Variants in PODNL1 observed in about 807,000 individuals in gnomAD.
The protein encoded by PODNL1 is podocan like 1.
PODNL1 carries 50 observed loss-of-function variants against 45.1 expected under a neutral mutation model. The observed-to-expected ratio is 1.11, with a 90% CI of 0.88 to 1.40. The LOEUF is 1.40. Ranked by LOEUF, PODNL1 falls within the 40% of genes most tolerant of loss-of-function variation. The pLI, the probability that PODNL1 is intolerant of heterozygous loss-of-function variation, is 0.00. For missense variants in PODNL1, 788 were observed against 793.3 expected (o/e 0.99, Z 0.08); for synonymous variants, 406 against 372.5 (o/e 1.09, Z -1.04).
intron 1 of PODNL1, chr19:13,953,040 G>C: frequency 6.7e-7 from 1 of 1,485,878 alleles, no homozygotes; most frequent in African/African-American, 1.4e-5. Context: ...AGCCCCTGCC[G>C]CTGGCTTTGG....
upstream of PODNL1, chr19:13,938,589 G>A (rs989166623): frequency 8.1e-5 from 40 of 494,608 alleles, no homozygotes; most frequent in Admixed American, 1.1e-4. Context: ...GGGGAGCTTC[G>A]GGGCACAGGA....
chr19:13,931,551 C>A lies in PODNL1; in HGVS notation c.*186G>T. 1 of 560,086 alleles carries A rather than the reference C, an allele frequency of 1.8e-6. No homozygotes were observed. Among genetic ancestry groups the A allele is most frequent in the African/African-American group, 1.9e-5 (1 of 51,692 alleles). The allele number at this position is 560,086 out of a possible 1,614,324, so 34.7% of individuals were successfully genotyped here. A position where few individuals can be genotyped will look rare whatever the true frequency, so the allele number is the denominator to read the frequency against. On this transcript the variant is annotated 3_prime_UTR_variant, in exon 10 of 10. Transcript: ENST00000588872. Reference sequence around the variant, plus strand: ...GGTAGGGTGTGTCCCGCCAGGCCGGCGTGGTCTGTGAGCCTGGAGTATGCC... The same window carrying A: ...GGTAGGGTGTGTCCCGCCAGGCCGGAGTGGTCTGTGAGCCTGGAGTATGCC...
At chr19:13,951,761 G>A (rs1198277206) in intron 1 of PODNL1, among the ~76,000 whole-genome samples, 1 of 151,850 alleles carries the variant, frequency 6.6e-6, no homozygotes, top group Admixed American at 6.5e-5. Context: ...GACAAAGTGA[G>A]ACTCTGTCTA....
chr19:13,946,462 C>A (rs1972818327), intron 1 of PODNL1, among the ~76,000 whole-genome samples: 1 of 151,706 alleles, frequency 6.6e-6, no homozygotes, highest in African/African-American at 2.4e-5. Flanking sequence ...TCTATCACTA[C>A]TGCATAAAAG....
At chr19:13,935,583 T>C in intron 5 of PODNL1, 138 bp downstream of exon 5, 1 of 587,704 alleles carries the variant, frequency 1.7e-6, no homozygotes, top group Admixed American at 3.9e-5. Context: ...CACCTTGGCC[T>C]CCCAAAGTGC....
In PODNL1 at chr19:13,946,596, T is replaced by G. The variant is rs1972821532; in HGVS notation, c.18+6523A>C. Among the ~76,000 whole-genome samples the G allele has an allele frequency of 2.0e-5, 3 of 152,184 alleles. No homozygotes were observed. In the South Asian group the frequency reaches 6.2e-4, roughly 31 times the overall value. On this transcript the variant is annotated intron_variant, in intron 1 of 7. Transcript: ENST00000538371. Reference sequence around the variant, plus strand: ...GGTGTGGGAAATGAATCATAATTTCTAGTTCTATTTACCTGCCCCATCCTG... The same window carrying G: ...GGTGTGGGAAATGAATCATAATTTCGAGTTCTATTTACCTGCCCCATCCTG...
intron 1 of PODNL1, chr19:13,949,610 T>G (rs1972934664): frequency 6.6e-6 from 1 of 152,160 alleles, no homozygotes; most frequent in African/African-American, 2.4e-5. Flanking sequence ...GTGCCCAGCC[T>G]GAAATTAGAC....
Position 13,937,972 on chromosome 19 carries a change from C to G in PODNL1, c.38G>C (p.Gly13Ala). The G allele has an allele frequency of 6.5e-7, 1 of 1,541,016 alleles. No individual in the cohort carries two copies. The highest frequency in any genetic ancestry group is 1.2e-5 in the South Asian group (1 of 83,776). ...PSLLLLLLLP[G>A]PPPVAGLEDA... ...TTCCAAGCCGGCGACGGGCGGGGGC[C>G]CCGGCAACAGCAGGAGCAGCAGCAG... The change falls in exon 2 of 10, where the codon GGG becomes GCG. Residue 13 changes from glycine (G) to alanine (A), a missense_variant. Gly to Ala is a moderately conservative substitution (Grantham distance 60, BLOSUM62 0). Around this residue, in one of 3 missense-constraint regions of PODNL1, gnomAD observed 762 missense variants for 750.9 expected, o/e 1.01. Transcript: ENST00000588872.
In PODNL1 at chr19:13,931,857, C is replaced by T. The variant is rs985493892; in HGVS notation, c.1605G>A (p.Ala535=). Residue 535 remains alanine (A), a synonymous_variant, in exon 10 of 10, where the codon GCG becomes GCA. Transcript: ENST00000588872. ...RANRLHMTSI[A]AEAFLGLPNL... is the part of the protein sequence containing the mutation. Reference sequence around the variant, plus strand: ...TTGGGAGCCCCAGGAAGGCCTCAGCCGCGATGCTCGTCATGTGAAGCCTGT... The same window carrying T: ...TTGGGAGCCCCAGGAAGGCCTCAGCTGCGATGCTCGTCATGTGAAGCCTGT... The T allele has an allele frequency of 1.5e-5, 18 of 1,231,842 alleles. No homozygotes were observed. Among genetic ancestry groups the T allele is most frequent in the Admixed American group, 4.2e-5 (1 of 23,706 alleles). The allele number at this position is 1,231,842 out of a possible 1,614,324, so 76.3% of individuals were successfully genotyped here. A position where few individuals can be genotyped will look rare whatever the true frequency, so the allele number is the denominator to read the frequency against.
At chr19:13,953,169 G>A (rs748393102) in exon 1 of PODNL1, 4 of 1,526,228 alleles carry the variant, frequency 2.6e-6, no homozygotes, top group African/African-American at 2.8e-5. Flanking sequence ...ATAGGGCTGA[G>A]TCTTCCCCCG....
chr19:13,944,248 C>T (rs1385152382), intron 1 of PODNL1, among the ~76,000 whole-genome samples: 2 of 149,758 alleles, frequency 1.3e-5, no homozygotes, highest in Admixed American at 1.3e-4. Context: ...CTGCAAGCTC[C>T]GCCTCCCGGG....
chr19:13,948,246 T>G (rs2145465412), intron 1 of PODNL1, among the ~76,000 whole-genome samples: 1 of 151,530 alleles, frequency 6.6e-6, no homozygotes, highest in East Asian at 1.9e-4. Flanking sequence ...TCGCCCAGGT[T>G]GGAGTGCAGT....
At chr19:13,935,610 A>G in intron 5 of PODNL1, 111 bp downstream of exon 5, 1 of 778,694 alleles carries the variant, frequency 1.3e-6, no homozygotes, top group South Asian at 2.2e-5. Context: ...TACAGGAGTG[A>G]GCCACTGCAC....
upstream of PODNL1, chr19:13,938,607 G>C (rs75174729): frequency 4.7e-5 from 16 of 339,232 alleles, no homozygotes; most frequent in Non-Finnish European, 6.4e-5. Context: ...GGAGAGTTCC[G>C]AGAAGCAGGG....
chr19:13,952,435 C>T lies in PODNL1; in HGVS notation c.18+684G>A, dbSNP rs529698701. ...TCGCCCAACCGGCGGGCCGCTGTCCCGAAAAAGGACCAATGAGGAGGCGGC... is the reference window on the plus strand; with the variant it reads ...TCGCCCAACCGGCGGGCCGCTGTCCTGAAAAAGGACCAATGAGGAGGCGGC... On this transcript the variant is annotated intron_variant, in intron 1 of 7. Coordinates refer to the PODNL1 transcript ENST00000538371. The T allele has an allele frequency of 3.3e-5, 41 of 1,241,318 alleles. 1 individual carries two copies. In the South Asian group the frequency reaches 1.1e-3, roughly 34 times the overall value. The allele number at this position is 1,241,318 out of a possible 1,614,324, so 76.9% of individuals were successfully genotyped here.
chr19:13,936,170 C>A, intron 3 of PODNL1, 126 bp from the exon 4 acceptor site: 1 of 960,612 alleles, frequency 1.0e-6, no homozygotes, highest in South Asian at 1.5e-5. Context: ...CCCTCAGATC[C>A]CCTCCTCCCC....
At chr19:13,946,828 G>A (rs1255700186) in intron 1 of PODNL1, among the ~76,000 whole-genome samples, 3 of 151,876 alleles carry the variant, frequency 2.0e-5, no homozygotes, top group Non-Finnish European at 2.9e-5. Flanking sequence ...CGAGGTGGGC[G>A]GATCACGAGG....
rs1971951653 is a variant in PODNL1, at chr19:13,931,746, C to A, written c.1716G>T (p.Gly572=). ...PPTTPRGPRA[G]GP ...CTGGGCCTCTCTAGGATCAGGGGCC[C>A]CCTGCCCGTGGCCCACGTGGGGTGG... Residue 572 remains glycine (G), a synonymous_variant, in exon 10 of 10, where the codon GGG becomes GGT. Transcript: ENST00000588872. The A allele has an allele frequency of 8.1e-7, 1 of 1,231,880 alleles. No individual in the cohort carries two copies. Among genetic ancestry groups the A allele is most frequent in the African/African-American group, 1.5e-5 (1 of 64,534 alleles). 76.3% of individuals were successfully genotyped at this position (1,231,880 alleles called of 1,614,324 possible).
At position 13,950,902 on chromosome 19, in the gene PODNL1, G is replaced by A. The variant is rs112704810; in HGVS notation, c.18+2217C>T. ...TCTACTAAAAATACAAAGATTAGCC[G>A]GGCATGGTGGCACATGCCTGTAATC... On this transcript the variant is annotated intron_variant, in intron 1 of 7. Transcript: ENST00000538371. Among the ~76,000 whole-genome samples the A allele has an allele frequency of 1.8e-3, 277 of 151,790 alleles. 1 individual carries two copies. Among genetic ancestry groups the A allele is most frequent in the African/African-American group, 6.3e-3 (260 of 41,390 alleles).
Sources: allele counts gnomAD v4.1 joint callset (sites outside exome capture counted in the v4.1 genomes callset), GRCh38; gene constraint gnomAD v4.1.1; regional missense constraint gnomAD v4.1.1; transcripts MANE v1.5; gene names NCBI Gene and HGNC (gene_info 2026-07-23, HGNC 2026-07-21).